Variants in TTC28 observed in about 807,000 individuals in gnomAD.
TTC28 encodes the protein tetratricopeptide repeat protein 28.
Under a neutral mutation model 198.0 loss-of-function variants are expected in TTC28, and 61 were observed. The ratio of observed to expected loss-of-function variants is 0.31; its 90% CI spans 0.25 to 0.38. The LOEUF is 0.38. TTC28 is among the 10% of genes least tolerant of loss of function. The probability of loss-of-function intolerance (pLI) is 1.00; values close to 1 mark genes in which losing one functional copy is unlikely to be tolerated. For missense variants in TTC28, 2,678 were observed against 3,164.0 expected (o/e 0.85, Z 3.69); for synonymous variants, 1,171 against 1,297.8 (o/e 0.90, Z 2.10).
At chr22:28,396,753 C>T (rs1368058443) in intron 2 of TTC28, among the ~76,000 whole-genome samples, 2 of 152,292 alleles carry the variant, frequency 1.3e-5, no homozygotes, top group African/African-American at 4.8e-5. Context: ...AATAGAGACA[C>T]TATAATAATA....
Position 28,571,225 on chromosome 22 carries a change from C to T in TTC28, c.381+58327G>A, listed in dbSNP as rs570868799. On this transcript the variant is annotated intron_variant, in intron 2 of 22. Transcript: ENST00000397906. ...AGTAAATCTTTGCTGAGTAAATCTT[C>T]GGCACCACTTCTACCCGACTAAATT... 3.3e-4 allele frequency among the ~76,000 whole-genome samples: 51 copies of T among 152,256 alleles called. 1 individual carries two copies. In the South Asian group the frequency reaches 7.5e-3, roughly 22 times the overall value.
At chr22:28,069,506 T>A (rs1346498306) in intron 12 of TTC28, among the ~76,000 whole-genome samples, 1 of 152,158 alleles carries the variant, frequency 6.6e-6, no homozygotes, top group African/African-American at 2.4e-5. Context: ...TAACTTGGCA[T>A]CACAGAGCAC....
intron 13 of TTC28, among the ~76,000 whole-genome samples, chr22:28,021,075 T>C (rs1174558098): frequency 6.6e-6 from 1 of 152,194 alleles, no homozygotes; most frequent in Non-Finnish European, 1.5e-5. Flanking sequence ...CACTGCCTCC[T>C]TGGCAGAGAA....
chr22:28,238,269 G>A (rs992012429), intron 5 of TTC28, among the ~76,000 whole-genome samples: 1 of 151,980 alleles, frequency 6.6e-6, no homozygotes, highest in Admixed American at 6.6e-5. Context: ...AATTTTCCTT[G>A]GTCTTTTTTC....
intron 2 of TTC28, among the ~76,000 whole-genome samples, chr22:28,388,499 T>C (rs2046655698): frequency 6.6e-6 from 1 of 152,228 alleles, no homozygotes; most frequent in African/African-American, 2.4e-5. Context: ...CTTCCATTTG[T>C]TTGTATCCTC....
chr22:28,530,310 G>C (rs899010573), intron 2 of TTC28, among the ~76,000 whole-genome samples: 5 of 152,186 alleles, frequency 3.3e-5, no homozygotes, highest in Non-Finnish European at 7.3e-5. Context: ...AAGGGTATCA[G>C]TGATTGAAGA....
chr22:28,170,613 T>C (rs1922574571), intron 5 of TTC28, among the ~76,000 whole-genome samples: 1 of 152,254 alleles, frequency 6.6e-6, no homozygotes, highest in South Asian at 2.1e-4. Context: ...TCTTCTTGTC[T>C]TCTTCCACGG....
At chr22:28,001,824 A>G (rs891299046) in intron 14 of TTC28, 1 of 476,252 alleles carries the variant, frequency 2.1e-6, no homozygotes, top group African/African-American at 1.9e-5. Flanking sequence ...CTTGAAGTTC[A>G]CAAGAACCTG....
Position 28,495,263 on chromosome 22 carries a change from C to A in TTC28, c.381+134289G>T, listed in dbSNP as rs566859143. ...TGCACAAATGATGAAAATAGAGCCT[C>A]CCTAGAGCATACTGTTACATTTCAG... On this transcript the variant is annotated intron_variant, in intron 2 of 22. Coordinates refer to ENST00000397906, the MANE Select transcript of TTC28 (RefSeq NM_001145418.2). 4.6e-5 allele frequency among the ~76,000 whole-genome samples: 7 copies of A among 152,220 alleles called. No individual in the cohort carries two copies. In the East Asian group the frequency reaches 1.4e-3, roughly 29 times the overall value.
At chr22:28,061,518 A>G (rs1256247784) in intron 12 of TTC28, among the ~76,000 whole-genome samples, 2 of 152,196 alleles carry the variant, frequency 1.3e-5, no homozygotes, top group Admixed American at 6.5e-5. Flanking sequence ...GTCAAAGATC[A>G]GATGGTTGTG....
chr22:28,220,174 A>G (rs1927745576), intron 5 of TTC28, among the ~76,000 whole-genome samples: 1 of 152,248 alleles, frequency 6.6e-6, no homozygotes, highest in African/African-American at 2.4e-5. Context: ...TTGATAAAGC[A>G]CAATTACACA....
At chr22:28,077,816 A>T (rs1941217144) in intron 12 of TTC28, among the ~76,000 whole-genome samples, 1 of 152,228 alleles carries the variant, frequency 6.6e-6, no homozygotes, top group African/African-American at 2.4e-5. Flanking sequence ...TTACCCCATT[A>T]AAAGGGCAAT....
At chr22:28,112,140 T>C (rs1942498883) in intron 6 of TTC28, among the ~76,000 whole-genome samples, 1 of 152,192 alleles carries the variant, frequency 6.6e-6, no homozygotes, top group African/African-American at 2.4e-5. Flanking sequence ...ACTAATAAGG[T>C]CATATTATAA....
chr22:28,574,214 G>T (rs931920790), intron 2 of TTC28, among the ~76,000 whole-genome samples: 10 of 152,068 alleles, frequency 6.6e-5, no homozygotes, highest in African/African-American at 2.4e-4. Flanking sequence ...ATTTCACTAT[G>T]TTGCCCAGGC....
At chr22:28,258,914 T>C (rs1458833788) in intron 5 of TTC28, among the ~76,000 whole-genome samples, 1 of 151,732 alleles carries the variant, frequency 6.6e-6, no homozygotes, top group Non-Finnish European at 1.5e-5. Flanking sequence ...TGTGTGTGTG[T>C]GTGTGTGTGT....
In TTC28 at chr22:28,046,445, T is replaced by C. The variant is rs1243602295; in HGVS notation, c.3933-16079A>G. Among the ~76,000 whole-genome samples the C allele has an allele frequency of 6.6e-5, 10 of 152,276 alleles. No individual in the cohort carries two copies. In the South Asian group the frequency reaches 2.1e-3, roughly 32 times the overall value. ...GGCAACTGTAACACAATGTTAAGTA[T>C]TTGTGTATCTAAACATAGAAAAGGT... On this transcript the variant is annotated intron_variant, in intron 12 of 22. Coordinates refer to ENST00000397906, the MANE Select transcript of TTC28 (RefSeq NM_001145418.2).
In TTC28 at chr22:28,461,441, T is replaced by A. The variant is rs567742751; in HGVS notation, c.382-154798A>T. Among the ~76,000 whole-genome samples, 4 of 152,258 alleles carry A rather than the reference T, an allele frequency of 2.6e-5. No homozygotes were observed. In the East Asian group the frequency reaches 5.8e-4, roughly 22 times the overall value. On this transcript the variant is annotated intron_variant, in intron 2 of 22. Transcript: ENST00000397906. ...AAACCCACAATTCTTTCTTCAGTTTTTTTTTTTTCTTTTGAGACGAAGTCT... is the reference window on the plus strand; with the variant it reads ...AAACCCACAATTCTTTCTTCAGTTTATTTTTTTTCTTTTGAGACGAAGTCT...
At chr22:28,168,477 T>C (rs1283360211) in intron 5 of TTC28, among the ~76,000 whole-genome samples, 1 of 152,048 alleles carries the variant, frequency 6.6e-6, no homozygotes, top group Admixed American at 6.5e-5. Context: ...AACAGAGATA[T>C]AGACCAATGG....
chr22:28,278,248 G>A (rs1417515919), intron 5 of TTC28, among the ~76,000 whole-genome samples: 1 of 151,968 alleles, frequency 6.6e-6, no homozygotes, highest in Middle Eastern at 3.2e-3. Flanking sequence ...ACCTGCTCTG[G>A]GTTTTTATGG....
Sources: allele counts gnomAD v4.1 joint callset (sites outside exome capture counted in the v4.1 genomes callset), GRCh38; gene constraint gnomAD v4.1.1; transcripts MANE v1.5; gene names NCBI Gene and HGNC (gene_info 2026-07-23, HGNC 2026-07-21).